Variants in STRIP1 observed in about 807,000 individuals in gnomAD.
STRIP1 encodes striatin interacting protein 1.
Under a neutral mutation model 106.2 loss-of-function variants are expected in STRIP1, and 63 were observed. The ratio of observed to expected loss-of-function variants is 0.59; its 90% CI spans 0.48 to 0.73. The LOEUF (loss-of-function observed/expected upper bound fraction) is 0.73. Among genes scored for constraint, STRIP1 ranks in the 30% least tolerant of loss-of-function variants. The pLI is 0.00. For missense variants in STRIP1, 857 were observed against 1,074.8 expected, an observed-to-expected ratio of 0.80 and a Z score of 2.83; for synonymous variants, 390 against 413.0, an observed-to-expected ratio of 0.94 and a Z score of 0.67.
At position 110,049,469 on chromosome 1, in the gene STRIP1, A is replaced by G. The variant is rs1194059734; in HGVS notation, c.1798A>G (p.Met600Val). The G allele has an allele frequency of 1.2e-6, 2 of 1,600,728 alleles. No homozygotes were observed. Among genetic ancestry groups the G allele is most frequent in the South Asian group, 1.1e-5 (1 of 89,490 alleles). The change falls in exon 17 of 21, where the codon ATG becomes GTG. Residue 600 changes from methionine to valine, a missense_variant. Physicochemically the swap from Met to Val is conservative, Grantham distance 21. Around this residue, in one of 2 missense-constraint regions of STRIP1, gnomAD observed 750 missense variants for 989.8 expected, o/e 0.76. Transcript: ENST00000369795. Reference sequence around the variant, plus strand: ...TTCCTGTTGGCTTCAGTTTGAATACATGGCCCAGCACCTGGTGTTTGCCAA... The same window carrying G: ...TTCCTGTTGGCTTCAGTTTGAATACGTGGCCCAGCACCTGGTGTTTGCCAA... ...KLNHVYQFEY[M>V]AQHLVFANCI...
At position 110,053,764 on chromosome 1, in the gene STRIP1, A is replaced by C; in HGVS notation, c.2366A>C (p.Asn789Thr). ...CGGCGCTATGACCGGGCCCACAGCA[A>C]CCCTGACTTCCTGCCAGTGGACAAC... ...NARRYDRAHSNPDFLPVDNCL... is the reference protein window; with the variant it reads ...NARRYDRAHSTPDFLPVDNCL... The change falls in exon 21 of 21, where the codon AAC becomes ACC. Residue 789 changes from asparagine to threonine, a missense_variant. Asn to Thr is a moderately conservative substitution (Grantham distance 65). Transcript: ENST00000369795. The C allele has an allele frequency of 6.2e-7, 1 of 1,614,044 alleles. No individual in the cohort carries two copies. Among genetic ancestry groups the C allele is most frequent in the African/African-American group, 1.3e-5 (1 of 74,990 alleles).
chr1:110,041,874 T>G lies in STRIP1; in HGVS notation c.885+13T>G. The G allele has an allele frequency of 6.2e-7, 1 of 1,613,746 alleles. No individual in the cohort carries two copies. The highest frequency in any genetic ancestry group is 8.5e-7 in the Non-Finnish European group (1 of 1,179,746). Reference sequence around the variant, plus strand: ...GAAGACAGTATTGGTGAGCACCTCCTTGGAGGAGGAGAACGGTGCTATGGG... The same window carrying G: ...GAAGACAGTATTGGTGAGCACCTCCGTGGAGGAGGAGAACGGTGCTATGGG... On this transcript the variant is annotated intron_variant, in intron 8 of 20. Coordinates refer to ENST00000369795, the MANE Select transcript of STRIP1 (RefSeq NM_033088.4).
chr1:110,053,960 T>TA lies in STRIP1; in HGVS notation c.*49dup. ...ATGGAGAGAAAAGATGATCTGAAGG[T>TA]ACCTGTGGGACTGTCCTAGTTCATT... is the stretch of plus-strand genomic sequence containing the variant. On this transcript the variant is annotated 3_prime_UTR_variant, in exon 21 of 21. Transcript: ENST00000369795. The TA allele has an allele frequency of 6.2e-7, 1 of 1,605,324 alleles. No homozygotes were observed. The highest frequency in any genetic ancestry group is 8.5e-7 in the Non-Finnish European group (1 of 1,175,456).
In STRIP1 at chr1:110,051,869, G is replaced by T; in HGVS notation, c.2248G>T (p.Asp750Tyr). 1.2e-6 allele frequency: 2 copies of T among 1,612,360 alleles called. No homozygotes were observed. Among genetic ancestry groups the T allele is most frequent in the Non-Finnish European group, 1.7e-6 (2 of 1,179,882 alleles). ...GAAGGTGCGGCATCGGCTGAACGAC[G>T]ACTGGGCATACGGCAATGGTGAGAC... Reference protein sequence around the residue: ...YQKVRHRLNDDWAYGNDLDAR... With the variant: ...YQKVRHRLNDYWAYGNDLDAR... Residue 750 changes from aspartate to tyrosine, a missense_variant, in exon 20 of 21, where the codon GAC (aspartate) becomes TAC (tyrosine). Asp to Tyr is a radical substitution (Grantham distance 160). This residue lies in a region of STRIP1 where 750 missense variants were observed against 989.8 expected (regional missense o/e 0.76). Coordinates refer to ENST00000369795, the MANE Select transcript of STRIP1 (RefSeq NM_033088.4).
chr1:110,047,595 C>G lies in STRIP1; in HGVS notation c.1542C>G (p.Leu514=). The G allele has an allele frequency of 6.2e-7, 1 of 1,610,904 alleles. No homozygotes were observed. Residue 514 remains leucine, a synonymous_variant, in exon 14 of 21, where the codon CTC becomes CTG. Transcript: ENST00000369795. The part of the protein sequence containing the change: ...VPAETLYQGL[L]PSLPQYMIAL... ...CAGAAACCCTCTACCAAGGCTTGCTCCCCAGCCTGCCTCAGTATATGGTGA... is the reference window on the plus strand; with the variant it reads ...CAGAAACCCTCTACCAAGGCTTGCTGCCCAGCCTGCCTCAGTATATGGTGA...
rs1000903468 is a variant in STRIP1, at chr1:110,039,384, C to T, written c.461-11C>T. 2 of 1,614,186 alleles carry T rather than the reference C, an allele frequency of 1.2e-6. No individual in the cohort carries two copies. The highest frequency in any genetic ancestry group is 1.7e-6 in the Non-Finnish European group (2 of 1,180,028). ...AGGGAGGGGCTCAGTGAGTTGAACC[C>T]TGCATTGCAGGCACGTTTGGGGAGT... On this transcript the variant is annotated splice_polypyrimidine_tract_variant and intron_variant, in intron 4 of 20. Transcript: ENST00000369795.
chr1:110,048,093 A>G, intron 15 of STRIP1: 1 of 524,550 alleles, frequency 1.9e-6, no homozygotes, highest in South Asian at 2.2e-5. Context: ...CCACTGAGCA[A>G]ACTCCTGAGT....
chr1:110,041,731 C>T lies in STRIP1; in HGVS notation c.758-3C>T, dbSNP rs773564651. 27 of 1,614,026 alleles carry T rather than the reference C, an allele frequency of 1.7e-5. No homozygotes were observed. Among genetic ancestry groups the T allele is most frequent in the Admixed American group, 3.3e-5 (2 of 59,994 alleles). On this transcript the variant is annotated splice_region_variant and splice_polypyrimidine_tract_variant and intron_variant, in intron 7 of 20. Coordinates refer to ENST00000369795, the MANE Select transcript of STRIP1 (RefSeq NM_033088.4). Reference sequence around the variant, plus strand: ...GGTCCTGATACCTTTGTGTCACCTCCAGGCTCCCCGCTGTACAACAATGAG... The same window carrying T: ...GGTCCTGATACCTTTGTGTCACCTCTAGGCTCCCCGCTGTACAACAATGAG...
At chr1:110,039,981 C>T in intron 5 of STRIP1, 1 of 1,044,220 alleles carries the variant, frequency 9.6e-7, no homozygotes, top group Non-Finnish European at 1.3e-6. Context: ...AATGATAAAG[C>T]TAAGACAGCT....
At chr1:110,047,926 A>T (rs1653108893) in intron 15 of STRIP1, 57 bp downstream of exon 15, 5 of 1,400,790 alleles carry the variant, frequency 3.6e-6, no homozygotes, top group Non-Finnish European at 5.0e-6. Flanking sequence ...GAGAAGGGCA[A>T]ACATTTTCCT....
chr1:110,043,770 G>C lies in STRIP1; in HGVS notation c.1200G>C (p.Arg400=). 2 of 1,614,202 alleles carry C rather than the reference G, an allele frequency of 1.2e-6. No individual in the cohort carries two copies. Among genetic ancestry groups the C allele is most frequent in the Non-Finnish European group, 1.7e-6 (2 of 1,180,034 alleles). The change falls in exon 10 of 21, where the codon CGG becomes CGC. Residue 400 remains arginine (R), a synonymous_variant. Transcript: ENST00000369795. The part of the protein sequence containing the change: ...SLEGETFPLE[R]DEVMPPPLQH... ...AGGGGGAGACGTTTCCCCTGGAACGGGATGAAGTGATGCCTCCCCCGCTAC... is the reference window on the plus strand; with the variant it reads ...AGGGGGAGACGTTTCCCCTGGAACGCGATGAAGTGATGCCTCCCCCGCTAC...
rs972086044 is a variant in STRIP1, at chr1:110,054,541, G to A, written c.*629G>A. ...CCATTTTTCCTTTTGGCTTTCGAGG[G>A]CCTGTAAATATCTATATATAATTCT... On this transcript the variant is annotated 3_prime_UTR_variant, in exon 21 of 21. Transcript: ENST00000369795. 10 of 152,982 alleles carry A rather than the reference G, an allele frequency of 6.5e-5. No homozygotes were observed. The highest frequency in any genetic ancestry group is 2.4e-4 in the African/African-American group (10 of 41,424). 9.5% of individuals were successfully genotyped at this position (152,982 alleles called of 1,614,324 possible). A position where few individuals can be genotyped will look rare whatever the true frequency, so the allele number is the denominator to read the frequency against.
At chr1:110,036,641 C>T (rs888551551) in intron 1 of STRIP1, among the ~76,000 whole-genome samples, 2 of 152,108 alleles carry the variant, frequency 1.3e-5, no homozygotes, top group African/African-American at 4.8e-5. Flanking sequence ...CAGGGAGGCT[C>T]ACATTTGATG....
intron 14 of STRIP1, 65 bp from the exon 15 acceptor site, chr1:110,047,707 C>T: frequency 6.5e-7 from 1 of 1,537,408 alleles, no homozygotes. Context: ...AACAGGAGGA[C>T]TGCTCAGAGC....
chr1:110,033,123 CT>C (rs1446535683), upstream of STRIP1, among the ~76,000 whole-genome samples: 9 of 152,260 alleles, frequency 5.9e-5, no homozygotes, highest in Admixed American at 5.2e-4. Context: ...CTTTGCAGGG[CT>C]TCTCCTCACT....
In STRIP1 at chr1:110,043,077, C is replaced by A; in HGVS notation, c.886-11C>A. Reference sequence around the variant, plus strand: ...ATTGACCCTGGCTCTGCTTCCCTGTCTGTGATGCAGTGCACGCTAGGCGGC... The same window carrying A: ...ATTGACCCTGGCTCTGCTTCCCTGTATGTGATGCAGTGCACGCTAGGCGGC... On this transcript the variant is annotated splice_polypyrimidine_tract_variant and intron_variant, in intron 8 of 20. Coordinates refer to ENST00000369795, the MANE Select transcript of STRIP1 (RefSeq NM_033088.4). 3.7e-6 allele frequency: 6 copies of A among 1,604,704 alleles called. No individual in the cohort carries two copies. The highest frequency in any genetic ancestry group is 1.7e-4 in the Middle Eastern group (1 of 6,048).
At chr1:110,039,775 G>C (rs1652668178) in intron 5 of STRIP1, 2 of 1,303,414 alleles carry the variant, frequency 1.5e-6, no homozygotes, top group Admixed American at 4.3e-5. Flanking sequence ...GGCCTGGGGT[G>C]CTCCTCAGAA....
intron 5 of STRIP1, 93 bp from the exon 6 acceptor site, chr1:110,040,542 C>T: frequency 4.1e-6 from 5 of 1,233,028 alleles, no homozygotes; most frequent in Non-Finnish European, 5.7e-6. Flanking sequence ...GCACGTATCA[C>T]AGCATTTTGT....
chr1:110,038,099 T>TATATATATATATAG, intron 2 of STRIP1, 139 bp downstream of exon 2: 6 of 171,126 alleles, frequency 3.5e-5, no homozygotes, highest in African/African-American at 1.6e-4. Flanking sequence ...TATATATATA[T>TATATATATATATAG]ATATATATAT....
Sources: allele counts gnomAD v4.1 joint callset (sites outside exome capture counted in the v4.1 genomes callset), GRCh38; gene constraint gnomAD v4.1.1; regional missense constraint gnomAD v4.1.1; transcripts MANE v1.5; gene names NCBI Gene and HGNC (gene_info 2026-07-23, HGNC 2026-07-21).